The following AMPH variants were observed in gnomAD, a reference collection of about 807,000 sequenced individuals.
AMPH encodes amphiphysin (Stiff-Mann syndrome with breast cancer 128kD autoantigen).
AMPH carries 49 observed loss-of-function variants against 99.1 expected under a neutral mutation model. The observed-to-expected ratio is 0.49, with a 90% CI of 0.39 to 0.63. AMPH has a LOEUF of 0.63. Ranked by LOEUF, AMPH falls within the 20% of genes least tolerant of loss-of-function variation. The pLI is 0.00. For synonymous variants in AMPH, 314 were observed against 317.3 expected, an observed-to-expected ratio of 0.99 and a Z score of 0.11; for missense variants, 759 against 863.4, an observed-to-expected ratio of 0.88 and a Z score of 1.52.
At chr7:38,609,916 G>A (rs1244329002) in intron 1 of AMPH, among the ~76,000 whole-genome samples, 1 of 151,910 alleles carries the variant, frequency 6.6e-6, no homozygotes, top group Non-Finnish European at 1.5e-5. Context: ...CCAGTAAAAG[G>A]AGGAAAGCAC....
At chr7:38,504,228 T>C (rs1349332866) in intron 2 of AMPH, among the ~76,000 whole-genome samples, 1 of 152,238 alleles carries the variant, frequency 6.6e-6, no homozygotes, top group Non-Finnish European at 1.5e-5. Context: ...AACTACATTA[T>C]TAAAATTTCA....
chr7:38,505,413 T>A (rs984912528), intron 2 of AMPH, among the ~76,000 whole-genome samples: 1 of 152,162 alleles, frequency 6.6e-6, no homozygotes, highest in Non-Finnish European at 1.5e-5. Context: ...ATGAGTCCAT[T>A]TGCTGGCACG....
chr7:38,461,199 C>G (rs73120217), intron 11 of AMPH, 84 bp downstream of exon 11: 1 of 1,506,100 alleles, frequency 6.6e-7, no homozygotes, highest in African/African-American at 1.4e-5. Context: ...GTTCTGGAAC[C>G]GCCACTTTCT....
rs185923665 is a variant in AMPH at position 38,513,981 on chromosome 7, C to T, written c.151-10277G>A. The stretch of plus-strand genomic sequence containing the variant: ...CAGCTATAGTCTTGGTCTTTGACCC[C>T]CCTTTGCTTCAAAAGGCAAAACTTG... On this transcript the variant is annotated intron_variant, in intron 2 of 20. Transcript: ENST00000356264. Among the ~76,000 whole-genome samples, 4 of 152,262 alleles carry T rather than the reference C, an allele frequency of 2.6e-5. No homozygotes were observed. In the East Asian group the frequency reaches 7.7e-4, roughly 29 times the overall value.
chr7:38,406,703 TCTCTCCTCTCCTCTCTCTCTCCCTTTCC>T (rs1784994040), intron 17 of AMPH, among the ~76,000 whole-genome samples: 2 of 145,660 alleles, frequency 1.4e-5, no homozygotes, highest in African/African-American at 5.2e-5. Flanking sequence ...CTCTGAGTTC[TCTCTCCTCTCCTCTCTCTCTCCCTTTCC>T]CTCTCTCTCT....
rs929702641 is a variant in AMPH at position 38,391,916 on chromosome 7, C to G, written c.1710G>C (p.Glu570Asp). ...TIGAEPKETTEDAAPPGPTSE... is the reference protein window; with the variant it reads ...TIGAEPKETTDDAAPPGPTSE... ...TGGTGGGGCCCGGAGGAGCCGCGTC[C>G]TCGGTGGTCTCCTTGGGCTCTGCAC... The change falls in exon 19 of 21, where the codon GAG becomes GAC. Residue 570 changes from glutamate (E) to aspartate (D), a missense_variant. This residue lies in a region of AMPH where 554 missense variants were observed against 575.6 expected (regional missense o/e 0.96). Coordinates refer to ENST00000356264, the MANE Select transcript of AMPH (RefSeq NM_001635.4). The G allele has an allele frequency of 1.1e-5, 17 of 1,612,642 alleles. No individual in the cohort carries two copies. In the African/African-American group the frequency reaches 2.0e-4, roughly 19 times the overall value.
At chr7:38,552,653 T>C (rs529428553) in intron 1 of AMPH, among the ~76,000 whole-genome samples, 1 of 152,276 alleles carries the variant, frequency 6.6e-6, no homozygotes, top group East Asian at 1.9e-4. Context: ...CAGGTGTATG[T>C]CAGGTTACTG....
intron 1 of AMPH, among the ~76,000 whole-genome samples, chr7:38,602,905 G>A (rs886607906): frequency 1.3e-5 from 2 of 152,046 alleles, no homozygotes; most frequent in East Asian, 3.8e-4. Context: ...CAAAATTACT[G>A]GTGTATCGTC....
At chr7:38,432,133 T>G (rs568319034) in intron 13 of AMPH, 56 bp downstream of exon 13, 1 of 1,440,910 alleles carries the variant, frequency 6.9e-7, no homozygotes, top group Non-Finnish European at 9.8e-7. Context: ...TATAACAAGG[T>G]TTCCAAATTT....
chr7:38,543,311 G>A (rs1790879055), intron 1 of AMPH, among the ~76,000 whole-genome samples: 1 of 152,114 alleles, frequency 6.6e-6, no homozygotes, highest in African/African-American at 2.4e-5. Context: ...TAAAGAAGAT[G>A]TTGACTCAGG....
At chr7:38,478,017 T>C (rs1265468293) in intron 5 of AMPH, among the ~76,000 whole-genome samples, 4 of 151,948 alleles carry the variant, frequency 2.6e-5, no homozygotes, top group African/African-American at 7.3e-5. Flanking sequence ...CAACCACAGA[T>C]ATGAGGCTGA....
At chr7:38,567,620 T>C (rs757189094) in intron 1 of AMPH, among the ~76,000 whole-genome samples, 48 of 152,242 alleles carry the variant, frequency 3.2e-4, no homozygotes, top group Non-Finnish European at 5.0e-4. Context: ...TCAAATCATA[T>C]TCTGTAAGAG....
At chr7:38,598,379 T>C (rs1474415240) in intron 1 of AMPH, among the ~76,000 whole-genome samples, 1 of 152,142 alleles carries the variant, frequency 6.6e-6, no homozygotes, top group African/African-American at 2.4e-5. Flanking sequence ...CTCAGCTCAC[T>C]GCAACCTCTG....
chr7:38,489,382 G>A (rs1788634020), intron 5 of AMPH, among the ~76,000 whole-genome samples: 1 of 150,570 alleles, frequency 6.6e-6, no homozygotes, highest in Admixed American at 6.6e-5. Context: ...CTCTGAAACT[G>A]TAAAACTCCT....
chr7:38,429,775 A>G lies in AMPH; in HGVS notation c.1182+67T>C, dbSNP rs923119363. ...CATGGGGAAACAGTTCATTCTAGAA[A>G]ATATACTATGTATGTAATGCATATC... On this transcript the variant is annotated intron_variant, in intron 14 of 20. Coordinates refer to ENST00000356264, the MANE Select transcript of AMPH (RefSeq NM_001635.4). 4.7e-6 allele frequency: 7 copies of G among 1,483,566 alleles called. No individual in the cohort carries two copies. The African/African-American group carries it at 8.5e-5, about 18-fold the overall frequency. The allele number at this position is 1,483,566 out of a possible 1,614,324, so 91.9% of individuals were successfully genotyped here.
At chr7:38,441,792 T>TATCTATC in intron 11 of AMPH, among the ~76,000 whole-genome samples, 1 of 113,488 alleles carries the variant, frequency 8.8e-6, no homozygotes, top group Admixed American at 1.1e-4. Context: ...ATATCTGTCA[T>TATCTATC]ATATATCATA....
intron 1 of AMPH, among the ~76,000 whole-genome samples, chr7:38,611,415 T>A (rs949699556): frequency 6.6e-6 from 1 of 152,250 alleles, no homozygotes; most frequent in Admixed American, 6.5e-5. Context: ...TTAACAATAC[T>A]GTACTGTACA....
At chr7:38,503,427 T>G (rs1246511178) in intron 3 of AMPH, among the ~76,000 whole-genome samples, 1 of 148,630 alleles carries the variant, frequency 6.7e-6, no homozygotes, top group East Asian at 2.1e-4. Flanking sequence ...TATTTCTAGT[T>G]TCCAGCATAA....
intron 1 of AMPH, among the ~76,000 whole-genome samples, chr7:38,596,883 A>G (rs1480178468): frequency 6.6e-6 from 1 of 151,854 alleles, no homozygotes; most frequent in African/African-American, 2.4e-5. Flanking sequence ...CCCATTCTCT[A>G]CTCCAGTGTC....
Sources: gnomAD v4.1 joint callset for allele counts (sites outside exome capture counted in the v4.1 genomes callset) on GRCh38, gnomAD v4.1.1 for gene constraint, gnomAD v4.1.1 regional missense constraint, MANE v1.5 for transcripts, NCBI Gene and HGNC (gene_info 2026-07-23, HGNC 2026-07-21) for gene names.